The following KCNN2 variants were observed in gnomAD, a reference collection of about 807,000 sequenced individuals.
The protein encoded by KCNN2 is small conductance calcium-activated potassium channel protein 2.
Under a neutral mutation model 55.5 loss-of-function variants are expected in KCNN2, and 24 were observed. The ratio of observed to expected loss-of-function variants is 0.43; its 90% CI spans 0.31 to 0.61. The LOEUF is 0.61. KCNN2 is among the 20% of genes least tolerant of loss of function. KCNN2 has a pLI of 0.08. For synonymous variants in KCNN2, 431 were observed against 336.1 expected (o/e 1.28, Z -3.09); for missense variants, 754 against 853.6 (o/e 0.88, Z 1.45).
intron 1 of KCNN2, among the ~76,000 whole-genome samples, chr5:114,099,780 CT>C (rs1271398779): frequency 6.6e-6 from 1 of 152,048 alleles, no homozygotes; most frequent in African/African-American, 2.4e-5. Context: ...GTCAAAAAGA[CT>C]GTCTATATAA....
intron 1 of KCNN2, among the ~76,000 whole-genome samples, chr5:114,171,610 G>A (rs1213136640): frequency 6.6e-6 from 1 of 151,564 alleles, no homozygotes; most frequent in Non-Finnish European, 1.5e-5. Context: ...CCCTCGTTAA[G>A]GACTTTCCTC....
At chr5:114,108,474 A>G (rs1441217415) in intron 1 of KCNN2, among the ~76,000 whole-genome samples, 1 of 152,114 alleles carries the variant, frequency 6.6e-6, no homozygotes, top group African/African-American at 2.4e-5. Flanking sequence ...AAAAAGCACT[A>G]TAAAGATTTA....
At chr5:114,278,739 G>A (rs2150011789) in intron 2 of KCNN2, among the ~76,000 whole-genome samples, 1 of 152,264 alleles carries the variant, frequency 6.6e-6, no homozygotes, top group Non-Finnish European at 1.5e-5. Context: ...GCAGTATTTG[G>A]GCAGGAGTGT....
At chr5:114,479,296 C>CAAAG (rs1477011349) in intron 5 of KCNN2, among the ~76,000 whole-genome samples, 1 of 148,072 alleles carries the variant, frequency 6.8e-6, no homozygotes, top group African/African-American at 2.5e-5. Flanking sequence ...TTCAAACCAA[C>CAAAG]AAAGATTAAA....
At chr5:114,342,505 A>G (rs1428136573) in intron 2 of KCNN2, among the ~76,000 whole-genome samples, 1 of 152,142 alleles carries the variant, frequency 6.6e-6, no homozygotes, top group Admixed American at 6.5e-5. Flanking sequence ...TCCCTCCAGA[A>G]AGATTTCATA....
In KCNN2 at chr5:114,363,272, G is replaced by C. The variant is rs1580750266; in HGVS notation, c.1122+11G>C. The C allele has an allele frequency of 6.3e-7, 1 of 1,585,180 alleles. No homozygotes were observed. The highest frequency in any genetic ancestry group is 1.8e-5 in the Admixed American group (1 of 56,978). On this transcript the variant is annotated intron_variant, in intron 1 of 7. Transcript: ENST00000673685. The stretch of plus-strand genomic sequence containing the variant: ...GGCGCCTACGACAAGGTACAGGCTT[G>C]AACCCCAGCCCACGCTACCGGAGTC...
intron 1 of KCNN2, among the ~76,000 whole-genome samples, chr5:114,166,677 C>G (rs1752919552): frequency 6.6e-6 from 1 of 152,098 alleles, no homozygotes; most frequent in Non-Finnish European, 1.5e-5. Flanking sequence ...CAAGCAGCCT[C>G]CTGGAAAGCC....
At chr5:114,189,133 AGTGT>A (rs34640722) in intron 1 of KCNN2, among the ~76,000 whole-genome samples, 155 of 149,994 alleles carry the variant, frequency 1.0e-3, no homozygotes, top group African/African-American at 3.4e-3. Context: ...TAGAACCAAT[AGTGT>A]GTGTGTGTGT....
intron 2 of KCNN2, among the ~76,000 whole-genome samples, chr5:114,372,411 T>A (rs1580760161): frequency 1.3e-5 from 2 of 152,184 alleles, no homozygotes; most frequent in Non-Finnish European, 2.9e-5. Flanking sequence ...TGTACAAGAA[T>A]TTTATGAGGA....
At position 114,404,569 on chromosome 5, in the gene KCNN2, G is replaced by A. The variant is rs368102188; in HGVS notation, c.1350G>A (p.Thr450=). 7.4e-6 allele frequency: 12 copies of A among 1,613,564 alleles called. No individual in the cohort carries two copies. Among genetic ancestry groups the A allele is most frequent in the Admixed American group, 5.0e-5 (3 of 59,976 alleles). Residue 450 remains threonine, a synonymous_variant, in exon 3 of 8, where the codon ACG becomes ACA. Coordinates refer to ENST00000673685, the MANE Select transcript of KCNN2 (RefSeq NM_021614.4). ...CTGGGAATTATACATTCACATGGACGGCCCGGCTTGCCTTCTCCTATGCCC... is the reference window on the plus strand; with the variant it reads ...CTGGGAATTATACATTCACATGGACAGCCCGGCTTGCCTTCTCCTATGCCC... ...PIPGNYTFTW[T]ARLAFSYAPS...
At chr5:114,350,481 A>G (rs562714318) in intron 2 of KCNN2, among the ~76,000 whole-genome samples, 1 of 151,968 alleles carries the variant, frequency 6.6e-6, no homozygotes, top group Admixed American at 6.6e-5. Context: ...CAATTTGTCT[A>G]TGTTTTTCCT....
At chr5:114,065,785 C>CA (rs1750432406) in intron 1 of KCNN2, among the ~76,000 whole-genome samples, 1 of 142,522 alleles carries the variant, frequency 7.0e-6, no homozygotes, top group Admixed American at 7.1e-5. Flanking sequence ...TTATATCTTC[C>CA]AAAAAGAAGC....
chr5:114,470,097 C>T (rs763973869), intron 4 of KCNN2, among the ~76,000 whole-genome samples: 12 of 152,112 alleles, frequency 7.9e-5, no homozygotes, highest in Non-Finnish European at 1.3e-4. Flanking sequence ...TTAGATGACA[C>T]CCGGTGAGAA....
chr5:114,133,833 C>T (rs528806901), intron 1 of KCNN2, among the ~76,000 whole-genome samples: 7 of 152,178 alleles, frequency 4.6e-5, no homozygotes, highest in African/African-American at 1.2e-4. Flanking sequence ...GTAAGGAGTC[C>T]GATGGTATTT....
intron 2 of KCNN2, among the ~76,000 whole-genome samples, chr5:114,289,908 T>C (rs1338645481): frequency 6.6e-6 from 1 of 152,236 alleles, no homozygotes; most frequent in Non-Finnish European, 1.5e-5. Context: ...CTAGGCATTT[T>C]ATTCTTTTGG....
intron 2 of KCNN2, among the ~76,000 whole-genome samples, chr5:114,324,158 G>T (rs12517304): frequency 0.22 from 33,811 of 152,004 alleles, 3,880 homozygotes; most frequent in Admixed American, 0.26. Flanking sequence ...ACTTTTATTA[G>T]GATGTATTCT....
At chr5:114,349,235 T>C (rs1580738536) in intron 2 of KCNN2, among the ~76,000 whole-genome samples, 1 of 152,114 alleles carries the variant, frequency 6.6e-6, no homozygotes, top group African/African-American at 2.4e-5. Context: ...CAAGACTTCA[T>C]TGGTTTTTAC....
chr5:114,170,566 G>A (rs191091772), intron 1 of KCNN2, among the ~76,000 whole-genome samples: 53 of 152,034 alleles, frequency 3.5e-4, no homozygotes, highest in Admixed American at 1.1e-3. Context: ...AGTTGGGGCC[G>A]CCATGTTTTC....
At chr5:114,154,222 A>C (rs1335202077) in intron 1 of KCNN2, among the ~76,000 whole-genome samples, 2 of 152,174 alleles carry the variant, frequency 1.3e-5, no homozygotes, top group Non-Finnish European at 2.9e-5. Flanking sequence ...GAACAGTGAG[A>C]ATAAAAAGAG....
Sources: gnomAD v4.1 joint callset for allele counts (sites outside exome capture counted in the v4.1 genomes callset) on GRCh38, gnomAD v4.1.1 for gene constraint, MANE v1.5 for transcripts, NCBI Gene and HGNC (gene_info 2026-07-23, HGNC 2026-07-21) for gene names.